CRB1: variants seen among roughly 807,000 people sequenced by gnomAD.
The protein encoded by CRB1 is protein crumbs homolog 1.
CRB1 carries 83 observed loss-of-function variants against 120.0 expected under a neutral mutation model. The ratio of observed to expected loss-of-function variants is 0.69; its 90% CI spans 0.58 to 0.83. The LOEUF (loss-of-function observed/expected upper bound fraction) is 0.83. Ranked by LOEUF, CRB1 falls within the 40% of genes least tolerant of loss-of-function variation. CRB1 has a pLI of 0.00. For missense variants in CRB1, 1,699 were observed against 1,687.6 expected (o/e 1.01, Z -0.12); for synonymous variants, 625 against 612.5 (o/e 1.02, Z -0.30).
In CRB1 at chr1:197,268,349, A is replaced by G; in HGVS notation, c.-64A>G. On this transcript the variant is annotated 5_prime_UTR_variant, in exon 1 of 12. Transcript: ENST00000367400. ...CCGCTCCTCTCTGAGACAGACAGGGATCAGGAGCCGGACTGGGACCAGACC... is the reference window on the plus strand; with the variant it reads ...CCGCTCCTCTCTGAGACAGACAGGGGTCAGGAGCCGGACTGGGACCAGACC... 8.3e-7 allele frequency: 1 copy of G among 1,207,102 alleles called. No homozygotes were observed. The highest frequency in any genetic ancestry group is 1.2e-6 in the Non-Finnish European group (1 of 809,254). 74.8% of individuals were successfully genotyped at this position (1,207,102 alleles called of 1,614,324 possible). A position where few individuals can be genotyped will look rare whatever the true frequency, so the allele number is the denominator to read the frequency against.
chr1:197,255,996 T>TATATATACAC, the CRB1 span, among the ~76,000 whole-genome samples: 28 of 116,706 alleles, frequency 2.4e-4, no homozygotes, highest in East Asian at 4.3e-3. Flanking sequence ...TATATATATA[T>TATATATACAC]ACACTACAAT....
Position 197,435,139 on chromosome 1 carries a change from C to G in CRB1, c.3276C>G (p.Gly1092=), listed in dbSNP as rs550408313. ...VGDRAIDNIK[G]LQGCLSTIEI... Reference sequence around the variant, plus strand: ...ACAGAGCTATTGACAATATAAAGGGCCTGCAAGGGTGTCTAAGTACAATAG... The same window carrying G: ...ACAGAGCTATTGACAATATAAAGGGGCTGCAAGGGTGTCTAAGTACAATAG... Residue 1092 remains glycine (G), a synonymous_variant, in exon 9 of 12, where the codon GGC becomes GGG. Coordinates refer to ENST00000367400, the MANE Select transcript of CRB1 (RefSeq NM_201253.3). 1 of 1,613,668 alleles carries G rather than the reference C, an allele frequency of 6.2e-7. No individual in the cohort carries two copies. Among genetic ancestry groups the G allele is most frequent in the Non-Finnish European group, 8.5e-7 (1 of 1,179,832 alleles).
At chr1:197,399,716 G>T (rs1662965722) in intron 5 of CRB1, among the ~76,000 whole-genome samples, 1 of 152,134 alleles carries the variant, frequency 6.6e-6, no homozygotes, top group Non-Finnish European at 1.5e-5. Context: ...GTGTCCTCCA[G>T]GGCTGGGGTC....
chr1:197,267,148 G>C (rs1156607821), upstream of CRB1, among the ~76,000 whole-genome samples: 4 of 152,096 alleles, frequency 2.6e-5, no homozygotes, highest in African/African-American at 4.8e-5. Context: ...TTCTCCAATT[G>C]ACAAAACACA....
chr1:197,211,024 A>C, the CRB1 span, among the ~76,000 whole-genome samples: 929 of 152,324 alleles, frequency 6.1e-3, 10 homozygotes, highest in African/African-American at 0.022. Context: ...CTTAATCATA[A>C]ACGGATGTTT....
rs1238985373 is a variant in CRB1 at position 197,413,443 on chromosome 1, T to C, written c.1172-7557T>C. Among the ~76,000 whole-genome samples, 11 of 152,184 alleles carry C rather than the reference T, an allele frequency of 7.2e-5. No homozygotes were observed. The East Asian group carries it at 1.7e-3, about 24-fold the overall frequency. ...TTCTATCCCTTGCATAGATACTTAA[T>C]AGATTTGAAGTTGCCATTAATTTCT... On this transcript the variant is annotated intron_variant, in intron 5 of 11. Transcript: ENST00000367400.
rs76088752 is a variant in CRB1 at position 197,459,766 on chromosome 1, G to A, written c.4005+17474G>A. 2.6e-3 allele frequency among the ~76,000 whole-genome samples: 397 copies of A among 152,058 alleles called. 11 individuals carry two copies. The East Asian group carries it at 0.071, about 27-fold the overall frequency. ...AAACTCCTGAATTATATTCTCAGAC[G>A]AATTCTTTCATTTTGGAACTCAAAG... On this transcript the variant is annotated intron_variant, in intron 11 of 11. Transcript: ENST00000367400.
chr1:197,301,018 G>A (rs886634597), intron 1 of CRB1, among the ~76,000 whole-genome samples: 3 of 109,160 alleles, frequency 2.7e-5, no homozygotes, highest in Non-Finnish European at 6.5e-5. Context: ...GACAGCTAAT[G>A]CTCAGGAAAA....
intron 1 of CRB1, among the ~76,000 whole-genome samples, chr1:197,294,587 C>CT (rs1656402307): frequency 1.3e-5 from 2 of 152,186 alleles, no homozygotes; most frequent in South Asian, 2.1e-4. Flanking sequence ...AATCATGCTG[C>CT]TATAAAGACA....
At chr1:197,444,581 T>A (rs1665610549) in intron 11 of CRB1, 1 of 152,254 alleles carries the variant, frequency 6.6e-6, no homozygotes, top group South Asian at 2.1e-4. Context: ...TAATATGTTC[T>A]CTACCAAATG....
chr1:197,317,348 G>A (rs1169895334), intron 1 of CRB1, among the ~76,000 whole-genome samples: 1 of 152,182 alleles, frequency 6.6e-6, no homozygotes, highest in Non-Finnish European at 1.5e-5. Context: ...AACTCGGGAA[G>A]CGGAGGTTGC....
chr1:197,354,897 G>A (rs192601593), intron 4 of CRB1, among the ~76,000 whole-genome samples: 2,339 of 113,732 alleles, frequency 0.021, 76 homozygotes, highest in African/African-American at 0.066. Flanking sequence ...ATTTTACAGC[G>A]AGCCAATTGG....
chr1:197,348,667 G>A (rs1033491468), intron 4 of CRB1, among the ~76,000 whole-genome samples: 3 of 151,878 alleles, frequency 2.0e-5, no homozygotes, highest in African/African-American at 7.3e-5. Flanking sequence ...TAGTAGAGAC[G>A]GGGTTTCACT....
intron 2 of CRB1, among the ~76,000 whole-genome samples, chr1:197,340,319 C>G (rs544025589): frequency 1.3e-5 from 2 of 152,098 alleles, no homozygotes; most frequent in African/African-American, 2.4e-5. Flanking sequence ...TCTTGAGATA[C>G]AGTGGAGCTG....
the CRB1 span, among the ~76,000 whole-genome samples, chr1:197,203,310 A>G: frequency 5.3e-5 from 8 of 152,132 alleles, no homozygotes; most frequent in South Asian, 4.1e-4. Flanking sequence ...TATGCTTTCT[A>G]TCATTACTTG....
chr1:197,360,733 T>G (rs1195498220), intron 5 of CRB1, among the ~76,000 whole-genome samples: 1 of 152,242 alleles, frequency 6.6e-6, no homozygotes, highest in Non-Finnish European at 1.5e-5. Context: ...ATTGTCTGCA[T>G]GGACAACTAT....
chr1:197,219,052 T>C, the CRB1 span, among the ~76,000 whole-genome samples: 1 of 152,088 alleles, frequency 6.6e-6, no homozygotes, highest in East Asian at 1.9e-4. Flanking sequence ...GGAGCCCAAG[T>C]GAATTGAAAG....
the CRB1 span, among the ~76,000 whole-genome samples, chr1:197,203,026 A>G: frequency 6.6e-6 from 1 of 151,930 alleles, no homozygotes; most frequent in African/African-American, 2.4e-5. Context: ...ATACAACTGA[A>G]TTGGATTTAA....
the CRB1 span, among the ~76,000 whole-genome samples, chr1:197,243,798 G>A: frequency 5.3e-5 from 8 of 152,202 alleles, no homozygotes; most frequent in East Asian, 1.2e-3. Flanking sequence ...CTATTATTGT[G>A]TGGGGGTCTA....
Sources: allele counts gnomAD v4.1 joint callset (sites outside exome capture counted in the v4.1 genomes callset), GRCh38; gene constraint gnomAD v4.1.1; transcripts MANE v1.5; gene names NCBI Gene and HGNC (gene_info 2026-07-23, HGNC 2026-07-21).